Variants in PTPRD observed in about 807,000 individuals in gnomAD.
PTPRD encodes protein tyrosine phosphatase receptor type D.
In PTPRD, 34 loss-of-function variants were observed where a neutral mutation model predicts 214.5. The observed-to-expected ratio is 0.16, with a 90% CI of 0.12 to 0.21. The LOEUF (loss-of-function observed/expected upper bound fraction) is 0.21. Ranked by LOEUF, PTPRD falls within the 10% of genes least tolerant of loss-of-function variation. PTPRD has a pLI of 1.00. For synonymous variants in PTPRD, 1,128 were observed against 845.7 expected, an observed-to-expected ratio of 1.33 and a Z score of -5.79; for missense variants, 2,545 against 2,398.7, an observed-to-expected ratio of 1.06 and a Z score of -1.27.
At chr9:9,885,759 G>A (rs2070638225) in intron 5 of PTPRD, among the ~76,000 whole-genome samples, 1 of 151,950 alleles carries the variant, frequency 6.6e-6, no homozygotes, top group African/African-American at 2.4e-5. Flanking sequence ...AAAATAGTCT[G>A]CTGACCCTTT....
chr9:9,112,960 A>ATTTTT (rs200147474), intron 10 of PTPRD, among the ~76,000 whole-genome samples: 4 of 147,808 alleles, frequency 2.7e-5, no homozygotes, highest in African/African-American at 7.4e-5. Context: ...CTGAGCTCCT[A>ATTTTT]TTTTTTTCTT....
intron 2 of PTPRD, among the ~76,000 whole-genome samples, chr9:10,478,265 T>C (rs1196604845): frequency 2.6e-5 from 4 of 152,358 alleles, no homozygotes; most frequent in Non-Finnish European, 5.9e-5. Context: ...ACAAGTAAGA[T>C]GGCAAGAAGC....
chr9:8,841,277 C>T (rs534595268), intron 11 of PTPRD, among the ~76,000 whole-genome samples: 3 of 152,328 alleles, frequency 2.0e-5, no homozygotes, highest in African/African-American at 7.2e-5. Flanking sequence ...GAATGTTCCA[C>T]GCTTTTGTGG....
chr9:10,155,270 T>C (rs1190072744), intron 3 of PTPRD, among the ~76,000 whole-genome samples: 1 of 152,146 alleles, frequency 6.6e-6, no homozygotes, highest in East Asian at 1.9e-4. Flanking sequence ...CATATTGGAA[T>C]GCTGGTGATT....
chr9:9,967,090 T>G (rs2094757478), intron 4 of PTPRD, among the ~76,000 whole-genome samples: 1 of 152,128 alleles, frequency 6.6e-6, no homozygotes, highest in Non-Finnish European at 1.5e-5. Context: ...GGTAAGTCCC[T>G]GTAGTATAAT....
chr9:10,329,462 G>A (rs1387212562), intron 3 of PTPRD, among the ~76,000 whole-genome samples: 1 of 151,778 alleles, frequency 6.6e-6, no homozygotes, highest in Non-Finnish European at 1.5e-5. Context: ...CATGTCATTG[G>A]ATAGCATGTA....
chr9:8,329,726 A>T (rs2131439420), intron 44 of PTPRD, among the ~76,000 whole-genome samples: 1 of 152,072 alleles, frequency 6.6e-6, no homozygotes, highest in East Asian at 1.9e-4. Context: ...CCCAGGGAGG[A>T]GTAATCCAGA....
At chr9:8,938,375 G>T (rs897768014) in intron 11 of PTPRD, among the ~76,000 whole-genome samples, 1 of 152,118 alleles carries the variant, frequency 6.6e-6, no homozygotes, top group Non-Finnish European at 1.5e-5. Context: ...TGAGCTGAGT[G>T]AAAATGCCAT....
At chr9:9,267,807 A>T (rs1209016216) in intron 9 of PTPRD, among the ~76,000 whole-genome samples, 2 of 150,636 alleles carry the variant, frequency 1.3e-5, no homozygotes, top group African/African-American at 4.9e-5. Context: ...AAAAAAAAGC[A>T]TTTGACAAAA....
intron 2 of PTPRD, among the ~76,000 whole-genome samples, chr9:10,393,517 A>G (rs1205119618): frequency 6.6e-6 from 1 of 151,498 alleles, no homozygotes; most frequent in African/African-American, 2.4e-5. Context: ...GGGGCCAGGT[A>G]TGATGACTCA....
At chr9:8,625,380 C>A (rs1236647438) in intron 14 of PTPRD, among the ~76,000 whole-genome samples, 1 of 151,590 alleles carries the variant, frequency 6.6e-6, no homozygotes, top group Non-Finnish European at 1.5e-5. Context: ...CTGCAGTTAC[C>A]CACGTAATTA....
chr9:8,517,416 A>G (rs1249748992), intron 21 of PTPRD, among the ~76,000 whole-genome samples: 4 of 152,222 alleles, frequency 2.6e-5, no homozygotes, highest in African/African-American at 9.6e-5. Flanking sequence ...TGGCAAATAT[A>G]AGCCATTTAA....
chr9:10,094,517 A>AT (rs2098463543), intron 3 of PTPRD, among the ~76,000 whole-genome samples: 1 of 136,106 alleles, frequency 7.3e-6, no homozygotes, highest in African/African-American at 2.8e-5. Flanking sequence ...AAACAACAGT[A>AT]TGGTTTTTTT....
intron 10 of PTPRD, among the ~76,000 whole-genome samples, chr9:9,160,068 T>C (rs1429470509): frequency 6.6e-6 from 1 of 152,022 alleles, no homozygotes; most frequent in Admixed American, 6.6e-5. Context: ...GGATTAAAGA[T>C]TTAAATGGAA....
intron 2 of PTPRD, among the ~76,000 whole-genome samples, chr9:10,507,941 T>A (rs928707698): frequency 1.1e-4 from 17 of 152,088 alleles, no homozygotes; most frequent in Non-Finnish European, 2.1e-4. Context: ...AAGCCAAAAC[T>A]GACAAATGGG....
chr9:9,771,758 G>A (rs796960040), intron 5 of PTPRD, among the ~76,000 whole-genome samples: 85 of 152,216 alleles, frequency 5.6e-4, no homozygotes, highest in African/African-American at 1.8e-3. Flanking sequence ...TATACAGTGT[G>A]TAAACCGAAT....
At chr9:10,173,957 C>T (rs1382274299) in intron 3 of PTPRD, among the ~76,000 whole-genome samples, 1 of 152,016 alleles carries the variant, frequency 6.6e-6, no homozygotes, top group Non-Finnish European at 1.5e-5. Context: ...GAGGAAAATT[C>T]TTTCCTACCA....
At chr9:10,093,942 G>C (rs957200558) in intron 3 of PTPRD, among the ~76,000 whole-genome samples, 2 of 151,350 alleles carry the variant, frequency 1.3e-5, no homozygotes, top group African/African-American at 4.8e-5. Flanking sequence ...CTAGAGCAGG[G>C]AGAGAGAAGT....
intron 3 of PTPRD, among the ~76,000 whole-genome samples, chr9:10,187,117 A>G (rs937129781): frequency 3.3e-5 from 5 of 152,150 alleles, no homozygotes; most frequent in African/African-American, 1.2e-4. Flanking sequence ...TAATCCATAA[A>G]TGCTCTTTTA....
Sources: gnomAD v4.1 joint callset for allele counts (sites outside exome capture counted in the v4.1 genomes callset) on GRCh38, gnomAD v4.1.1 for gene constraint, MANE v1.5 for transcripts, NCBI Gene and HGNC (gene_info 2026-07-23, HGNC 2026-07-21) for gene names.